CNTN6: variants seen among roughly 807,000 people sequenced by gnomAD.
CNTN6 encodes contactin 6, also known as contactin-6.
Under a neutral mutation model 122.8 loss-of-function variants are expected in CNTN6, and 137 were observed. The observed-to-expected ratio is 1.12, with a 90% confidence interval of 0.97 to 1.29. The LOEUF is 1.29. CNTN6 is among the 50% of genes most tolerant of loss of function. CNTN6 has a pLI of 0.00. For missense variants in CNTN6, 1,634 were observed against 1,223.4 expected (o/e 1.34, Z -5.01); for synonymous variants, 570 against 426.0 (o/e 1.34, Z -4.16).
chr3:1,255,565 C>A (rs557771653), intron 4 of CNTN6, among the ~76,000 whole-genome samples: 1 of 152,000 alleles, frequency 6.6e-6, no homozygotes, highest in Non-Finnish European at 1.5e-5. Flanking sequence ...GAATTGTATC[C>A]TAGGAACAGT....
chr3:1,109,955 C>A (rs982615661), intron 1 of CNTN6, among the ~76,000 whole-genome samples: 1 of 152,072 alleles, frequency 6.6e-6, no homozygotes, highest in African/African-American at 2.4e-5. Context: ...TGGGTCCCTA[C>A]TGCTGACTCA....
intron 4 of CNTN6, among the ~76,000 whole-genome samples, chr3:1,274,109 T>G (rs759028205): frequency 6.6e-6 from 1 of 152,180 alleles, no homozygotes; most frequent in Non-Finnish European, 1.5e-5. Flanking sequence ...AACCTTAAAA[T>G]TGTCACCTAT....
intron 2 of CNTN6, among the ~76,000 whole-genome samples, chr3:1,201,099 T>TGTGTGTGTGTGTGTGTG (rs2093862065): frequency 5.0e-4 from 65 of 130,088 alleles, no homozygotes; most frequent in African/African-American, 1.7e-3. Context: ...AGCTAACATT[T>TGTGTGTGTGTGTGTGTG]TGTGTGTGTG....
intron 4 of CNTN6, among the ~76,000 whole-genome samples, chr3:1,251,218 G>A (rs1378621151): frequency 1.3e-5 from 2 of 151,954 alleles, no homozygotes; most frequent in Admixed American, 1.3e-4. Flanking sequence ...CAATAGCCAC[G>A]CTGCTAAGAT....
At chr3:1,104,934 T>C (rs1412616678) in intron 1 of CNTN6, among the ~76,000 whole-genome samples, 1 of 152,138 alleles carries the variant, frequency 6.6e-6, no homozygotes, top group Non-Finnish European at 1.5e-5. Flanking sequence ...TAACCTATTG[T>C]TAGATATTTA....
At chr3:1,295,076 G>T (rs1018799273) in intron 5 of CNTN6, among the ~76,000 whole-genome samples, 26 of 152,268 alleles carry the variant, frequency 1.7e-4, no homozygotes, top group African/African-American at 6.0e-4. Context: ...AACATAGTGA[G>T]ACCCCATCTC....
intron 2 of CNTN6, among the ~76,000 whole-genome samples, chr3:1,190,451 C>T (rs2093685583): frequency 6.6e-6 from 1 of 152,180 alleles, no homozygotes; most frequent in African/African-American, 2.4e-5. Context: ...AACCGCCTTG[C>T]TTTTTGTATC....
At chr3:1,322,694 T>C (rs1359485634) in intron 8 of CNTN6, among the ~76,000 whole-genome samples, 1 of 151,422 alleles carries the variant, frequency 6.6e-6, no homozygotes, top group Non-Finnish European at 1.5e-5. Flanking sequence ...ATACTGTAAT[T>C]ATCCCATAGG....
Position 1,372,211 on chromosome 3 carries a change from A to G in CNTN6, c.1493-88A>G, listed in dbSNP as rs866659251. The G allele has an allele frequency of 7.6e-5, 77 of 1,019,312 alleles. No individual in the cohort carries two copies. In the Middle Eastern group the frequency reaches 2.5e-3, roughly 33 times the overall value. The allele number at this position is 1,019,312 out of a possible 1,614,324, so 63.1% of individuals were successfully genotyped here. ...CCAGGTTGCATTTATATAATTTCAA[A>G]TGAATGATAAAGTATTCAGAAATAT... On this transcript the variant is annotated intron_variant, in intron 12 of 22. Coordinates refer to ENST00000446702, the MANE Select transcript of CNTN6 (RefSeq NM_001289080.2).
chr3:1,270,491 G>A (rs2095005848), intron 4 of CNTN6, among the ~76,000 whole-genome samples: 1 of 152,100 alleles, frequency 6.6e-6, no homozygotes, highest in African/African-American at 2.4e-5. Flanking sequence ...TTTCTCTTTT[G>A]CTGGGCAGAG....
chr3:1,354,938 T>A (rs1013663211), intron 12 of CNTN6, among the ~76,000 whole-genome samples: 1 of 151,574 alleles, frequency 6.6e-6, no homozygotes, highest in African/African-American at 2.4e-5. Flanking sequence ...AGCCTGAACC[T>A]ACATCGAAAT....
chr3:1,342,761 G>A (rs1051282093), intron 11 of CNTN6, among the ~76,000 whole-genome samples: 2 of 151,978 alleles, frequency 1.3e-5, no homozygotes, highest in Non-Finnish European at 2.9e-5. Flanking sequence ...ACTCTGGCTT[G>A]TATTATACCC....
rs1403879809 is a variant in CNTN6 at position 1,401,482 on chromosome 3, A to T, written c.2754A>T (p.Lys918Asn). ...TTGCCTGGAAGCTGACAAACTCTAA[A>T]TTATGCTTGAACTGGGAGCATGTAA... Reference protein sequence around the residue: ...ANIAWKLTNSKLCLNWEHVKT... With the variant: ...ANIAWKLTNSNLCLNWEHVKT... Residue 918 changes from lysine to asparagine, a missense_variant, in exon 21 of 23, where the codon AAA becomes AAT. Lys to Asn is a moderately conservative substitution (Grantham distance 94). Coordinates refer to ENST00000446702, the MANE Select transcript of CNTN6 (RefSeq NM_001289080.2). The T allele has an allele frequency of 6.2e-7, 1 of 1,612,056 alleles. No individual in the cohort carries two copies. Among genetic ancestry groups the T allele is most frequent in the East Asian group, 2.2e-5 (1 of 44,806 alleles).
rs572949478 is a variant in CNTN6 at position 1,319,677 on chromosome 3, A to G, written c.762-1973A>G. 5.9e-5 allele frequency among the ~76,000 whole-genome samples: 9 copies of G among 151,510 alleles called. No individual in the cohort carries two copies. The South Asian group carries it at 1.2e-3, about 21-fold the overall frequency. On this transcript the variant is annotated intron_variant, in intron 7 of 22. Transcript: ENST00000446702. Reference sequence around the variant, plus strand: ...CATGTATTTGTTATAAATCTCAGAGATTTGCTGTCATAAAAAGATAAAGGA... The same window carrying G: ...CATGTATTTGTTATAAATCTCAGAGGTTTGCTGTCATAAAAAGATAAAGGA...
intron 7 of CNTN6, among the ~76,000 whole-genome samples, chr3:1,320,224 C>A (rs149347921): frequency 2.7e-4 from 41 of 151,728 alleles, no homozygotes; most frequent in African/African-American, 9.9e-4. Flanking sequence ...CAAGTTTTCA[C>A]TGTAATTGTA....
intron 1 of CNTN6, among the ~76,000 whole-genome samples, chr3:1,121,633 G>C (rs1231052129): frequency 2.6e-5 from 4 of 151,844 alleles, no homozygotes; most frequent in Non-Finnish European, 5.9e-5. Context: ...CCATACTACA[G>C]AAATGGTTTG....
At chr3:1,385,291 G>A (rs753601201) in intron 19 of CNTN6, among the ~76,000 whole-genome samples, 11 of 151,930 alleles carry the variant, frequency 7.2e-5, no homozygotes, top group Admixed American at 1.3e-4. Flanking sequence ...ATACAAATGT[G>A]TTTTTGTCTG....
At chr3:1,130,749 T>C (rs2092314985) in intron 1 of CNTN6, among the ~76,000 whole-genome samples, 1 of 152,098 alleles carries the variant, frequency 6.6e-6, no homozygotes, top group Admixed American at 6.6e-5. Flanking sequence ...GATCAGTACA[T>C]CAATTGACAT....
intron 20 of CNTN6, among the ~76,000 whole-genome samples, chr3:1,388,591 G>C (rs1693568295): frequency 1.3e-5 from 2 of 149,874 alleles, no homozygotes; most frequent in Non-Finnish European, 3.0e-5. Flanking sequence ...GAGAGAAGAA[G>C]GCTTCAGACG....
Sources: gnomAD v4.1 joint callset for allele counts (sites outside exome capture counted in the v4.1 genomes callset) on GRCh38, gnomAD v4.1.1 for gene constraint, MANE v1.5 for transcripts, NCBI Gene and HGNC (gene_info 2026-07-23, HGNC 2026-07-21) for gene names.